The following SLC25A13 variants were observed in gnomAD, a reference collection of about 807,000 sequenced individuals.
SLC25A13 encodes the protein electrogenic aspartate/glutamate antiporter SLC25A13, mitochondrial.
Under a neutral mutation model 85.5 loss-of-function variants are expected in SLC25A13, and 70 were observed. That is an observed-to-expected ratio of 0.82 (90% CI 0.68 to 1.00). The LOEUF (loss-of-function observed/expected upper bound fraction) is 1.00. Among genes scored for constraint, SLC25A13 ranks in the 50% least tolerant of loss-of-function variants. SLC25A13 has a pLI of 0.00. For missense variants in SLC25A13, 765 were observed against 819.8 expected, an observed-to-expected ratio of 0.93 and a Z score of 0.82; for synonymous variants, 259 against 288.7, an observed-to-expected ratio of 0.90 and a Z score of 1.04.
At chr7:96,232,425 G>A (rs891740722) in intron 4 of SLC25A13, among the ~76,000 whole-genome samples, 19 of 151,858 alleles carry the variant, frequency 1.3e-4, no homozygotes, top group African/African-American at 4.6e-4. Context: ...TAGACATTAC[G>A]GCCTACCAGA....
At chr7:96,312,464 G>T (rs1458956756) in intron 1 of SLC25A13, among the ~76,000 whole-genome samples, 1 of 152,120 alleles carries the variant, frequency 6.6e-6, no homozygotes, top group East Asian at 1.9e-4. Context: ...GACAAATGAG[G>T]TTATCAACAC....
intron 11 of SLC25A13, among the ~76,000 whole-genome samples, chr7:96,181,529 T>C (rs143229332): frequency 9.6e-4 from 146 of 152,342 alleles, no homozygotes; most frequent in African/African-American, 3.4e-3. Flanking sequence ...AAGAGATATT[T>C]ATTAACCTCA....
chr7:96,219,792 T>G (rs765188525), intron 4 of SLC25A13: 4 of 530,146 alleles, frequency 7.5e-6, no homozygotes, highest in South Asian at 5.7e-5. Context: ...GATCTATCAA[T>G]TCTCAAGATT....
At position 96,121,687 on chromosome 7, in the gene SLC25A13, T is replaced by C. The variant is rs755823140; in HGVS notation, c.1809A>G (p.Leu603=). The C allele has an allele frequency of 1.2e-6, 2 of 1,614,172 alleles. No individual in the cohort carries two copies. Among genetic ancestry groups the C allele is most frequent in the East Asian group, 2.2e-5 (1 of 44,868 alleles). ...CAAAATCAATGTAGAACCATCGCTG[T>C]AGCAATTCGTAAGTCAGCAAAGTTA... ...FGVTLLTYEL[L]QRWFYIDFGG... The change falls in exon 17 of 18, where the codon CTA becomes CTG. Residue 603 remains leucine (L), a synonymous_variant. Transcript: ENST00000265631.
intron 4 of SLC25A13, 99 bp from the exon 5 acceptor site, chr7:96,209,076 A>G: frequency 8.1e-7 from 1 of 1,236,676 alleles, no homozygotes; most frequent in Non-Finnish European, 1.1e-6. Flanking sequence ...TATTAAAAAA[A>G]GTAATTCAAT....
Position 96,304,471 on chromosome 7 carries a change from A to G in SLC25A13, c.16-7520T>C, listed in dbSNP as rs1252903162. Among the ~76,000 whole-genome samples, 3 of 152,348 alleles carry G rather than the reference A, an allele frequency of 2.0e-5. No homozygotes were observed. The South Asian group carries it at 6.2e-4, about 32-fold the overall frequency. ...TCATCATTAAAATTCTGATATTAAG[A>G]GGCAGAGTATAACAGTTAAGAATGA... On this transcript the variant is annotated intron_variant, in intron 1 of 17. Coordinates refer to ENST00000265631, the MANE Select transcript of SLC25A13 (RefSeq NM_014251.3).
intron 1 of SLC25A13, among the ~76,000 whole-genome samples, chr7:96,303,710 T>C (rs1799637755): frequency 6.6e-6 from 1 of 152,100 alleles, no homozygotes; most frequent in Non-Finnish European, 1.5e-5. Context: ...TGGAAGTGTC[T>C]AGTTTTCCTG....
chr7:96,306,850 CGAG>C (rs1799762893), intron 1 of SLC25A13: 7 of 1,390,938 alleles, frequency 5.0e-6, no homozygotes, highest in South Asian at 3.5e-5. Flanking sequence ...AAAAGGCAAA[CGAG>C]AAGAAGGAGG....
At chr7:96,320,564 C>T (rs1459883425) in intron 1 of SLC25A13, among the ~76,000 whole-genome samples, 6 of 152,178 alleles carry the variant, frequency 3.9e-5, no homozygotes, top group Admixed American at 6.5e-5. Context: ...AGGGTTAAGG[C>T]AGCTTCCAAA....
chr7:96,162,070 G>A (rs1485932696), intron 13 of SLC25A13, among the ~76,000 whole-genome samples: 1 of 152,198 alleles, frequency 6.6e-6, no homozygotes, highest in Non-Finnish European at 1.5e-5. Flanking sequence ...TTATAAGTAA[G>A]ATATGTGCAG....
At chr7:96,260,431 A>G (rs1261254070) in intron 3 of SLC25A13, among the ~76,000 whole-genome samples, 2 of 152,068 alleles carry the variant, frequency 1.3e-5, no homozygotes, top group African/African-American at 4.8e-5. Flanking sequence ...ATAATAATCA[A>G]TACAAAAAAG....
At chr7:96,244,846 GC>G (rs1797125375) in intron 3 of SLC25A13, among the ~76,000 whole-genome samples, 1 of 152,126 alleles carries the variant, frequency 6.6e-6, no homozygotes, top group South Asian at 2.1e-4. Flanking sequence ...CTACTGCCTG[GC>G]TTTAAAAACC....
At chr7:96,278,170 C>T (rs1198395965) in intron 2 of SLC25A13, among the ~76,000 whole-genome samples, 3 of 152,156 alleles carry the variant, frequency 2.0e-5, no homozygotes, top group Admixed American at 6.5e-5. Flanking sequence ...TGCTGAGAAA[C>T]GACATGGGAT....
chr7:96,231,825 A>G (rs139672032), intron 4 of SLC25A13, among the ~76,000 whole-genome samples: 4 of 152,218 alleles, frequency 2.6e-5, no homozygotes, highest in Admixed American at 2.6e-4. Flanking sequence ...AAGGCTCAAC[A>G]TCACTGGTAA....
At chr7:96,233,261 T>C (rs146798571) in intron 4 of SLC25A13, among the ~76,000 whole-genome samples, 34 of 152,340 alleles carry the variant, frequency 2.2e-4, no homozygotes, top group Admixed American at 2.2e-3. Flanking sequence ...AACGCTATTA[T>C]AACAATGTCA....
At chr7:96,276,705 A>T (rs1240580394) in intron 3 of SLC25A13, among the ~76,000 whole-genome samples, 1 of 152,204 alleles carries the variant, frequency 6.6e-6, no homozygotes, top group African/African-American at 2.4e-5. Flanking sequence ...GCATTCTGCA[A>T]CGTGTCCTAT....
At chr7:96,268,070 C>T (rs916385845) in intron 3 of SLC25A13, among the ~76,000 whole-genome samples, 4 of 152,136 alleles carry the variant, frequency 2.6e-5, no homozygotes, top group Non-Finnish European at 4.4e-5. Flanking sequence ...ACCCGGTGCC[C>T]ACCTCACAGA....
At chr7:96,314,827 G>C (rs1800072358) in intron 1 of SLC25A13, among the ~76,000 whole-genome samples, 1 of 152,134 alleles carries the variant, frequency 6.6e-6, no homozygotes, top group Admixed American at 6.6e-5. Context: ...CCTGCTCCCT[G>C]ACTTTTTTAC....
chr7:96,121,799 T>G, intron 16 of SLC25A13, 40 bp downstream of exon 16: 1 of 1,614,118 alleles, frequency 6.2e-7, no homozygotes, highest in South Asian at 1.1e-5. Context: ...AAAATTTACC[T>G]GATACCAAAG....
Sources: gnomAD v4.1 joint callset for allele counts (sites outside exome capture counted in the v4.1 genomes callset) on GRCh38, gnomAD v4.1.1 for gene constraint, MANE v1.5 for transcripts, NCBI Gene and HGNC (gene_info 2026-07-23, HGNC 2026-07-21) for gene names.